MBD3: variants seen among roughly 807,000 people sequenced by gnomAD.
The protein encoded by MBD3 is methyl-CpG binding domain protein 3.
Under a neutral mutation model 31.2 loss-of-function variants are expected in MBD3, and 13 were observed. The ratio of observed to expected loss-of-function variants is 0.42; its 90% CI spans 0.27 to 0.66. The LOEUF (loss-of-function observed/expected upper bound fraction) is 0.66, where lower values mean the gene tolerates loss of function less well. MBD3 is among the 30% of genes least tolerant of loss of function. The probability of loss-of-function intolerance (pLI) is 0.26; values close to 1 mark genes in which losing one functional copy is unlikely to be tolerated. For missense variants in MBD3, 440 were observed against 426.5 expected, an observed-to-expected ratio of 1.03 and a Z score of -0.28; for synonymous variants, 223 against 187.4, an observed-to-expected ratio of 1.19 and a Z score of -1.55.
At position 1,592,504 on chromosome 19, in the gene MBD3, G is replaced by C. The variant is rs779760299; in HGVS notation, c.110+18C>G. On this transcript the variant is annotated intron_variant, in intron 1 of 6. Transcript: ENST00000434436. Reference sequence around the variant, plus strand: ...GAGGAGCCCGTTGAGGCCCTGCGCGGCCGGCGCGCTCATTCACCTATAGTA... The same window carrying C: ...GAGGAGCCCGTTGAGGCCCTGCGCGCCCGGCGCGCTCATTCACCTATAGTA... The C allele has an allele frequency of 7.4e-7, 1 of 1,354,008 alleles. No homozygotes were observed. The highest frequency in any genetic ancestry group is 1.3e-5 in the South Asian group (1 of 79,348). The allele number at this position is 1,354,008 out of a possible 1,614,324, so 83.9% of individuals were successfully genotyped here.
In MBD3 at chr19:1,577,885, C is replaced by T. The variant is rs1427307031; in HGVS notation, c.*279G>A. ...AGGAGCTGGCCTCGAGCCCAAAGGT[C>T]GTAGGGAGCCAGGCAGGGCCCAGGA... On this transcript the variant is annotated 3_prime_UTR_variant, in exon 7 of 7. Coordinates refer to ENST00000434436, the MANE Select transcript of MBD3 (RefSeq NM_001281453.2). The T allele has an allele frequency of 2.4e-5, 5 of 205,330 alleles. No individual in the cohort carries two copies. The highest frequency in any genetic ancestry group is 5.0e-5 in the Non-Finnish European group (5 of 99,810). 12.7% of individuals were successfully genotyped at this position (205,330 alleles called of 1,614,324 possible). A position where few individuals can be genotyped will look rare whatever the true frequency, so the allele number is the denominator to read the frequency against.
intron 1 of MBD3, among the ~76,000 whole-genome samples, chr19:1,586,895 G>GACCTCAGGTGATCTGTCC (rs1480325878): frequency 2.0e-5 from 3 of 151,644 alleles, no homozygotes; most frequent in Non-Finnish European, 2.9e-5. Context: ...ACGAACTCCT[G>GACCTCAGGTGATCTGTCC]ACCTCAGGTG....
chr19:1,589,032 A>G (rs1022374828), intron 1 of MBD3, among the ~76,000 whole-genome samples: 6 of 152,124 alleles, frequency 3.9e-5, no homozygotes, highest in African/African-American at 7.2e-5. Flanking sequence ...CTGTATCTCG[A>G]TAACACCTTC....
chr19:1,584,833 G>T, intron 2 of MBD3, 156 bp from the exon 3 acceptor site: 1 of 971,988 alleles, frequency 1.0e-6, no homozygotes, highest in Non-Finnish European at 1.4e-6. Context: ...CGCTCCCGCA[G>T]GGTCGGTCCG....
chr19:1,582,748 C>G (rs760048308), intron 3 of MBD3, 36 bp from the exon 4 acceptor site: 32 of 1,566,916 alleles, frequency 2.0e-5, no homozygotes, highest in Non-Finnish European at 2.7e-5. Flanking sequence ...CAAGAGTGGC[C>G]CTGCCCTCTC....
rs150989729 is a variant in MBD3, at chr19:1,577,920, A to C, written c.*244T>G. ...CAGGCAGGGCCCAGGAGCACCCGGC[A>C]CTTCCCGAAGCCGGACTCTGTAGAG... On this transcript the variant is annotated 3_prime_UTR_variant, in exon 7 of 7. Coordinates refer to ENST00000434436, the MANE Select transcript of MBD3 (RefSeq NM_001281453.2). The C allele has an allele frequency of 2.5e-4, 64 of 252,978 alleles. No individual in the cohort carries two copies. In the East Asian group the frequency reaches 6.4e-3, roughly 25 times the overall value. The allele number at this position is 252,978 out of a possible 1,614,324, so 15.7% of individuals were successfully genotyped here.
rs137866821 is a variant in MBD3, at chr19:1,579,115, C to T, written c.678-577G>A. On this transcript the variant is annotated intron_variant, in intron 5 of 6. Transcript: ENST00000434436. ...AGGAGAATCACTTGAACCCGGGAGG[C>T]GGAGGTTGCAGTGGGCTGGGATGGC... 2.5e-3 allele frequency among the ~76,000 whole-genome samples: 320 copies of T among 126,528 alleles called. 2 individuals are homozygous for T. Among genetic ancestry groups the T allele is most frequent in the African/African-American group, 8.9e-3 (299 of 33,502 alleles). 83.0% of individuals were successfully genotyped at this position (126,528 alleles called of 152,430 possible). A position where few individuals can be genotyped will look rare whatever the true frequency, so the allele number is the denominator to read the frequency against.
At chr19:1,588,676 G>A (rs1311337077) in intron 1 of MBD3, among the ~76,000 whole-genome samples, 1 of 151,608 alleles carries the variant, frequency 6.6e-6, no homozygotes, top group Non-Finnish European at 1.5e-5. Context: ...AGCTACTCGG[G>A]AGGCTGACGC....
At position 1,585,990 on chromosome 19, in the gene MBD3, C is replaced by T. The variant is rs1051875144; in HGVS notation, c.111-776G>A. 4 of 152,350 alleles carry T rather than the reference C, an allele frequency of 2.6e-5. No homozygotes were observed. The highest frequency in any genetic ancestry group is 9.6e-5 in the African/African-American group (4 of 41,456). The allele number at this position is 152,350 out of a possible 1,614,324, so 9.4% of individuals were successfully genotyped here. ...CTCTCCAGGACATAAGGACACCCAC[C>T]AATGGGTTGCCCTGTGTGTCACATG... On this transcript the variant is annotated intron_variant, in intron 1 of 6. Coordinates refer to ENST00000434436, the MANE Select transcript of MBD3 (RefSeq NM_001281453.2). The surrounding 1 kb of genome is among the most constrained non-coding windows in gnomAD (Gnocchi z 4.1).
At chr19:1,587,929 CCA>C (rs1452039362) in intron 1 of MBD3, among the ~76,000 whole-genome samples, 17 of 152,220 alleles carry the variant, frequency 1.1e-4, no homozygotes, top group Admixed American at 1.1e-3. Context: ...TGCCCCTGCC[CCA>C]GACGTCCTGG....
At position 1,592,647 on chromosome 19, in the gene MBD3, G is replaced by T; in HGVS notation, c.-16C>A. 5 of 1,180,420 alleles carry T rather than the reference G, an allele frequency of 4.2e-6. No individual in the cohort carries two copies. The highest frequency in any genetic ancestry group is 5.4e-6 in the Non-Finnish European group (5 of 919,740). The allele number at this position is 1,180,420 out of a possible 1,614,324, so 73.1% of individuals were successfully genotyped here. A position where few individuals can be genotyped will look rare whatever the true frequency, so the allele number is the denominator to read the frequency against. On this transcript the variant is annotated 5_prime_UTR_variant, in exon 1 of 7. Transcript: ENST00000434436. ...TCCGCTCCATTGCGCCCGGCTCCTCGGCCCGCCGCCGGGCCCGCCGCCGCC... is the reference window on the plus strand; with the variant it reads ...TCCGCTCCATTGCGCCCGGCTCCTCTGCCCGCCGCCGGGCCCGCCGCCGCC...
At chr19:1,580,417 C>T (rs536291077) in intron 5 of MBD3, among the ~76,000 whole-genome samples, 131 of 152,356 alleles carry the variant, frequency 8.6e-4, no homozygotes, top group Non-Finnish European at 1.5e-3. Context: ...CCCAGCGCCT[C>T]CCTGGCCGTT....
chr19:1,579,666 C>T (rs1373425521), intron 5 of MBD3, among the ~76,000 whole-genome samples: 1 of 152,214 alleles, frequency 6.6e-6, no homozygotes, highest in African/African-American at 2.4e-5. Flanking sequence ...AACACCCTGG[C>T]TCACCTACTC....
rs570129652 is a variant in MBD3 at position 1,589,919 on chromosome 19, G to T, written c.110+2603C>A. On this transcript the variant is annotated intron_variant, in intron 1 of 6. Transcript: ENST00000434436. ...GGGCTGGGGGAGTAACAAGTGGGGA[G>T]TGACTGCTAATGAGGACAGAGCTGC... Among the ~76,000 whole-genome samples the T allele has an allele frequency of 6.6e-4, 101 of 152,210 alleles. 1 individual carries two copies. The highest frequency in any genetic ancestry group is 1.3e-3 in the Non-Finnish European group (88 of 68,044).
At chr19:1,587,090 C>A (rs530914749) in intron 1 of MBD3, among the ~76,000 whole-genome samples, 3 of 151,402 alleles carry the variant, frequency 2.0e-5, no homozygotes, top group Non-Finnish European at 4.4e-5. Context: ...CTCAGCCTCC[C>A]GAGTAGCTGG....
chr19:1,581,222 T>C lies in MBD3; in HGVS notation c.547A>G (p.Ser183Gly). 1 of 1,613,142 alleles carries C rather than the reference T, an allele frequency of 6.2e-7. No individual in the cohort carries two copies. Among genetic ancestry groups the C allele is most frequent in the East Asian group, 2.2e-5 (1 of 44,862 alleles). Reference sequence around the variant, plus strand: ...GGCATGGTGCTAGTGTGCAGGGCGCTGGCGATGGCCGACAGCAGCGTCTCA... The same window carrying C: ...GGCATGGTGCTAGTGTGCAGGGCGCCGGCGATGGCCGACAGCAGCGTCTCA... ...TDETLLSAIA[S>G]ALHTSTMPIT... The change falls in exon 5 of 7, where the codon AGC (serine) becomes GGC (glycine). Residue 183 changes from serine (S) to glycine (G), a missense_variant. Around this residue, in one of 3 missense-constraint regions of MBD3, gnomAD observed 144 missense variants for 196.9 expected, o/e 0.73. Transcript: ENST00000434436.
At chr19:1,581,811 C>T in intron 4 of MBD3, 1 of 190,132 alleles carries the variant, frequency 5.3e-6, no homozygotes, top group East Asian at 1.5e-4. Flanking sequence ...CCTCTGTTGC[C>T]CAGGAGAGTG....
intron 5 of MBD3, among the ~76,000 whole-genome samples, chr19:1,580,820 C>A (rs1458647983): frequency 1.3e-5 from 2 of 152,232 alleles, no homozygotes; most frequent in Admixed American, 6.5e-5. Context: ...TGGAGCCCAG[C>A]ACCCAGCATA....
At position 1,592,544 on chromosome 19, in the gene MBD3, G is replaced by C; in HGVS notation, c.88C>G (p.His30Asp). The change falls in exon 1 of 7, where the codon CAC becomes GAC. Residue 30 changes from histidine (H) to aspartate (D), a missense_variant. Physicochemically the swap from His to Asp is moderately conservative, Grantham distance 81. Around this residue, in one of 3 missense-constraint regions of MBD3, gnomAD observed 179 missense variants for 134.7 expected, o/e 1.33. Transcript: ENST00000434436. ...VPRRSGLSAG[H>D]RDVFYYSPSG... is the part of the protein sequence containing the mutation. ...CACCTATAGTAAAAGACATCCCTGTGGCCGGCCGACAGCCCCGACCTTCTG... is the reference window on the plus strand; with the variant it reads ...CACCTATAGTAAAAGACATCCCTGTCGCCGGCCGACAGCCCCGACCTTCTG... 7.0e-7 allele frequency: 1 copy of C among 1,438,808 alleles called. No individual in the cohort carries two copies. Among genetic ancestry groups the C allele is most frequent in the African/African-American group, 1.5e-5 (1 of 66,962 alleles). 89.1% of individuals were successfully genotyped at this position (1,438,808 alleles called of 1,614,324 possible).
Sources: gnomAD v4.1 joint callset for allele counts (sites outside exome capture counted in the v4.1 genomes callset) on GRCh38, gnomAD v4.1.1 for gene constraint, gnomAD v4.1.1 regional missense constraint, Gnocchi (gnomAD v3.1) non-coding constraint, MANE v1.5 for transcripts, NCBI Gene and HGNC (gene_info 2026-07-23, HGNC 2026-07-21) for gene names.